Variants in EIF4A3 observed in about 807,000 individuals in gnomAD.
EIF4A3 encodes the protein eukaryotic initiation factor 4A-III.
Under a neutral mutation model 55.6 loss-of-function variants are expected in EIF4A3, and 1 was observed. That is an observed-to-expected ratio of 0.02 (90% CI 0.01 to 0.09). EIF4A3 has a LOEUF of 0.09. Among genes scored for constraint, EIF4A3 ranks in the 10% least tolerant of loss-of-function variants. The probability of loss-of-function intolerance (pLI) is 1.00; values close to 1 mark genes in which losing one functional copy is unlikely to be tolerated. For missense variants in EIF4A3, 221 were observed against 540.7 expected (o/e 0.41, Z 5.86); for synonymous variants, 194 against 196.3 (o/e 0.99, Z 0.10).
At chr17:80,139,635 T>C (rs2039601508) in intron 6 of EIF4A3, 35 bp downstream of exon 6, 1 of 1,553,032 alleles carries the variant, frequency 6.4e-7, no homozygotes, top group Non-Finnish European at 8.8e-7. Flanking sequence ...CTAAGAATTA[T>C]GTCAGTAGAA....
intron 6 of EIF4A3, 61 bp from the exon 7 acceptor site, chr17:80,139,223 T>G (rs1598604637): frequency 5.6e-6 from 9 of 1,595,790 alleles, no homozygotes; most frequent in Admixed American, 1.7e-5. Flanking sequence ...AAATGGAAGG[T>G]GCACGCCCAG....
chr17:80,137,099 C>T (rs1456586200), intron 9 of EIF4A3: 5 of 286,486 alleles, frequency 1.7e-5, no homozygotes, highest in East Asian at 6.4e-5. Flanking sequence ...CTAATCGAAA[C>T]GATGAACAGA....
In EIF4A3 at chr17:80,147,045, C is replaced by A. The variant is rs1169894641; in HGVS notation, c.-84G>T. ...GACCTCGCTGTGCCGCTGCCGACCTCGCTGCCGCTGCCGACCTCGCTGTGC... is the reference window on the plus strand; with the variant it reads ...GACCTCGCTGTGCCGCTGCCGACCTAGCTGCCGCTGCCGACCTCGCTGTGC... On this transcript the variant is annotated 5_prime_UTR_variant, in exon 1 of 12. Coordinates refer to ENST00000649764, the MANE Select transcript of EIF4A3 (RefSeq NM_014740.4). 1 of 1,351,508 alleles carries A rather than the reference C, an allele frequency of 7.4e-7. No individual in the cohort carries two copies. Among genetic ancestry groups the A allele is most frequent in the Non-Finnish European group, 9.5e-7 (1 of 1,052,108 alleles). The allele number at this position is 1,351,508 out of a possible 1,614,324, so 83.7% of individuals were successfully genotyped here.
At chr17:80,137,261 C>T (rs1274918782) in intron 9 of EIF4A3, 125 bp downstream of exon 9, 1 of 780,694 alleles carries the variant, frequency 1.3e-6, no homozygotes, top group Non-Finnish European at 2.0e-6. Flanking sequence ...CCCAGGGCCT[C>T]AGCTTTCAGA....
At chr17:80,136,710 A>G (rs1227448496) in intron 9 of EIF4A3, 2 of 195,376 alleles carry the variant, frequency 1.0e-5, no homozygotes, top group African/African-American at 4.7e-5. Context: ...TTATGCCTGT[A>G]ATCCCAGCAC....
chr17:80,146,130 G>C (rs561416996), intron 1 of EIF4A3, among the ~76,000 whole-genome samples: 1 of 152,222 alleles, frequency 6.6e-6, no homozygotes, highest in South Asian at 2.1e-4. Flanking sequence ...GCCCCGACTA[G>C]CTCTCCAAAA....
intron 2 of EIF4A3, 50 bp downstream of exon 2, chr17:80,144,122 C>A (rs770507654): frequency 6.3e-7 from 1 of 1,575,092 alleles, no homozygotes; most frequent in Non-Finnish European, 8.7e-7. Flanking sequence ...AACTGCACTG[C>A]GCTGCCCAAA....
At chr17:80,142,534 A>G (rs1283985143) in intron 2 of EIF4A3, among the ~76,000 whole-genome samples, 2 of 152,204 alleles carry the variant, frequency 1.3e-5, no homozygotes, top group Non-Finnish European at 2.9e-5. Context: ...AATTGAAGCC[A>G]GGAATTCGAG....
chr17:80,136,031 T>C lies in EIF4A3; in HGVS notation c.1192A>G (p.Thr398Ala). 6.2e-7 allele frequency: 1 copy of C among 1,613,968 alleles called. No homozygotes were observed. The highest frequency in any genetic ancestry group is 8.5e-7 in the Non-Finnish European group (1 of 1,179,994). ...ILRDIEQYYS[T>A]QIDEMPMNVA... is the part of the protein sequence containing the mutation. ...TTCATCGGCATCTCATCAATCTGAG[T>C]GGAATAGTACTGCTCGATATCTCTG... is the stretch of plus-strand genomic sequence containing the variant. Residue 398 changes from threonine to alanine, a missense_variant, in exon 11 of 12, where the codon ACT becomes GCT. Transcript: ENST00000649764.
chr17:80,136,810 G>GGAAA (rs1555605148), intron 9 of EIF4A3: 1 of 132,636 alleles, frequency 7.5e-6, no homozygotes, highest in Non-Finnish European at 1.6e-5. Flanking sequence ...TACTAAAAAT[G>GGAAA]AAAAAAAAAA....
Position 80,139,042 on chromosome 17 carries a change from G to A in EIF4A3, c.707C>T (p.Pro236Leu). 1 of 1,613,984 alleles carries A rather than the reference G, an allele frequency of 6.2e-7. No homozygotes were observed. ...CTACCGTTTCACCAAGATGCGGATT[G>A]GGTCGGTCATGAACTTGTTGGTCAT... ...LEMTNKFMTD[P>L]IRILVKRDEL... The change falls in exon 7 of 12, where the codon CCA (proline) becomes CTA (leucine). Residue 236 changes from proline (P) to leucine (L), a missense_variant. Around this residue, in one of 4 missense-constraint regions of EIF4A3, gnomAD observed 93 missense variants for 278.5 expected, o/e 0.33. Coordinates refer to ENST00000649764, the MANE Select transcript of EIF4A3 (RefSeq NM_014740.4).
chr17:80,142,002 C>A (rs1036171266), intron 2 of EIF4A3, among the ~76,000 whole-genome samples, 154 bp from the exon 3 acceptor site: 4 of 152,156 alleles, frequency 2.6e-5, no homozygotes, highest in African/African-American at 9.7e-5. Context: ...AGGACTCGGG[C>A]CCAGTGTCAC....
In EIF4A3 at chr17:80,134,906, C is replaced by G. The variant is rs1294960766; in HGVS notation, c.*584G>C. Among the ~76,000 whole-genome samples, 2 of 152,088 alleles carry G rather than the reference C, an allele frequency of 1.3e-5. No individual in the cohort carries two copies. The highest frequency in any genetic ancestry group is 2.9e-5 in the Non-Finnish European group (2 of 68,020). ...GTGGCTCACGCCTGTAATCCCAGCACTTTGGGAGGCCGAGGTGGGTGGATC... is the reference window on the plus strand; with the variant it reads ...GTGGCTCACGCCTGTAATCCCAGCAGTTTGGGAGGCCGAGGTGGGTGGATC... On this transcript the variant is annotated 3_prime_UTR_variant, in exon 12 of 12. Transcript: ENST00000649764.
At chr17:80,139,385 G>A in intron 6 of EIF4A3, 2 of 655,330 alleles carry the variant, frequency 3.1e-6, no homozygotes, top group Non-Finnish European at 5.0e-6. Flanking sequence ...GTTTCCCTTT[G>A]GTGCTTCTTC....
At position 80,144,201 on chromosome 17, in the gene EIF4A3, C is replaced by G; in HGVS notation, c.213G>C (p.Gln71His). Residue 71 changes from glutamine to histidine, a missense_variant, in exon 2 of 12, where the codon CAG becomes CAC. Around this residue, in one of 4 missense-constraint regions of EIF4A3, gnomAD observed 85 missense variants for 205.8 expected, o/e 0.41. Transcript: ENST00000649764. ...PSAIQQRAIK[Q>H]IIKGRDVIAQ... is the part of the protein sequence containing the mutation. ...CGATGACATCTCTCCCTTTGATGAT[C>G]TGCTTGATTGCTCGTTGCTGGATTG... 1 of 1,614,130 alleles carries G rather than the reference C, an allele frequency of 6.2e-7. No homozygotes were observed. The highest frequency in any genetic ancestry group is 8.5e-7 in the Non-Finnish European group (1 of 1,180,026).
chr17:80,137,284 C>T, intron 9 of EIF4A3, 102 bp downstream of exon 9: 1 of 996,818 alleles, frequency 1.0e-6, no homozygotes, highest in Admixed American at 3.1e-5. Flanking sequence ...AGAAGCTTGG[C>T]ATCCCCCCGG....
chr17:80,143,916 G>A (rs751745074), intron 2 of EIF4A3, among the ~76,000 whole-genome samples: 2 of 152,112 alleles, frequency 1.3e-5, no homozygotes, highest in Non-Finnish European at 2.9e-5. Context: ...AGAGGCAAAG[G>A]TTGCAGTGAG....
chr17:80,144,099 T>A (rs1330677845), intron 2 of EIF4A3, 73 bp downstream of exon 2: 4 of 1,400,150 alleles, frequency 2.9e-6, no homozygotes, highest in Non-Finnish European at 4.1e-6. Context: ...GAAACAGTCA[T>A]CCCAGAGCAT....
rs370918693 is a variant in EIF4A3, at chr17:80,140,476, G to T, written c.373-336C>A. The T allele has an allele frequency of 5.1e-5, 10 of 195,348 alleles. No individual in the cohort carries two copies. In the South Asian group the frequency reaches 9.3e-4, roughly 18 times the overall value. 12.1% of individuals were successfully genotyped at this position (195,348 alleles called of 1,614,324 possible). Reference sequence around the variant, plus strand: ...CTACAGGCGCCCGCCACCACACCAGGCTAATTTTGTTTTTGTATTTTTAGT... The same window carrying T: ...CTACAGGCGCCCGCCACCACACCAGTCTAATTTTGTTTTTGTATTTTTAGT... On this transcript the variant is annotated intron_variant, in intron 4 of 11. Coordinates refer to ENST00000649764, the MANE Select transcript of EIF4A3 (RefSeq NM_014740.4).
Sources: gnomAD v4.1 joint callset for allele counts (sites outside exome capture counted in the v4.1 genomes callset) on GRCh38, gnomAD v4.1.1 for gene constraint, gnomAD v4.1.1 regional missense constraint, MANE v1.5 for transcripts, NCBI Gene and HGNC (gene_info 2026-07-23, HGNC 2026-07-21) for gene names.